PKNOX2: variants seen among roughly 807,000 people sequenced by gnomAD.
The protein encoded by PKNOX2 is homeobox protein PKNOX2.
In PKNOX2, 14 loss-of-function variants were observed where a neutral mutation model predicts 53.1. That is an observed-to-expected ratio of 0.26 (90% confidence interval 0.17 to 0.41). PKNOX2 has a LOEUF of 0.41. Ranked by LOEUF, PKNOX2 falls within the 10% of genes least tolerant of loss-of-function variation. The pLI is 1.00. For synonymous variants in PKNOX2, 257 were observed against 242.8 expected (o/e 1.06, Z -0.54); for missense variants, 496 against 602.8 (o/e 0.82, Z 1.85).
intron 3 of PKNOX2, among the ~76,000 whole-genome samples, chr11:125,348,414 G>A (rs1951109912): frequency 6.6e-6 from 1 of 152,234 alleles, no homozygotes; most frequent in Admixed American, 6.5e-5. Context: ...TGCAGGAGAA[G>A]CCCCCAGAGG....
At chr11:125,189,085 G>A (rs926188362) in intron 1 of PKNOX2, among the ~76,000 whole-genome samples, 1 of 151,920 alleles carries the variant, frequency 6.6e-6, no homozygotes, top group African/African-American at 2.4e-5. Context: ...TGCTCTCTTC[G>A]TATTTTGGGG....
chr11:125,282,311 AAT>A (rs1476189978), intron 2 of PKNOX2, among the ~76,000 whole-genome samples: 2 of 152,210 alleles, frequency 1.3e-5, no homozygotes, highest in African/African-American at 4.8e-5. Context: ...GTAAAATGTG[AAT>A]ATTCTGTTTA....
chr11:125,241,122 G>A (rs1943110758), intron 2 of PKNOX2, among the ~76,000 whole-genome samples: 2 of 152,044 alleles, frequency 1.3e-5, no homozygotes, highest in Admixed American at 1.3e-4. Flanking sequence ...GCTGACCATG[G>A]GCTTCACGGT....
chr11:125,425,228 G>T (rs771282842), intron 10 of PKNOX2, among the ~76,000 whole-genome samples: 5 of 152,156 alleles, frequency 3.3e-5, no homozygotes, highest in Non-Finnish European at 7.3e-5. Flanking sequence ...AAGGTCACTT[G>T]CGTGTGTCAA....
At chr11:125,273,403 G>C (rs984460739) in intron 2 of PKNOX2, among the ~76,000 whole-genome samples, 1 of 152,192 alleles carries the variant, frequency 6.6e-6, no homozygotes, top group African/African-American at 2.4e-5. Flanking sequence ...TGGACCGAGG[G>C]GCAGGAGGAG....
intron 1 of PKNOX2, among the ~76,000 whole-genome samples, chr11:125,209,827 G>T (rs1415110038): frequency 6.6e-6 from 1 of 151,968 alleles, no homozygotes; most frequent in Non-Finnish European, 1.5e-5. Flanking sequence ...CATGTCCTGT[G>T]CCACCCTTAT....
rs185518101 is a variant in PKNOX2, at chr11:125,311,523, C to T, written c.-129-20296C>T. 6.0e-4 allele frequency among the ~76,000 whole-genome samples: 92 copies of T among 152,260 alleles called. 1 individual carries two copies. In the East Asian group the frequency reaches 0.017, roughly 29 times the overall value. ...GTGAAAGCCCCCCAGAAGGAGAGCC[C>T]ATGTCTGCCTGGGAAGATGCAAGAA... On this transcript the variant is annotated intron_variant, in intron 2 of 12. Transcript: ENST00000298282.
chr11:125,301,636 T>G (rs1467605708), intron 2 of PKNOX2, among the ~76,000 whole-genome samples: 1 of 152,132 alleles, frequency 6.6e-6, no homozygotes, highest in South Asian at 2.1e-4. Context: ...TTATCTTTCC[T>G]TCTTCCAAAC....
intron 4 of PKNOX2, among the ~76,000 whole-genome samples, chr11:125,365,880 T>C (rs1000297735): frequency 6.6e-6 from 1 of 152,250 alleles, no homozygotes; most frequent in Admixed American, 6.5e-5. Context: ...CTGAGCTTTC[T>C]GATAGCAATC....
intron 1 of PKNOX2, among the ~76,000 whole-genome samples, chr11:125,186,289 T>A (rs1256814068): frequency 6.6e-6 from 1 of 152,230 alleles, no homozygotes; most frequent in Non-Finnish European, 1.5e-5. Context: ...ATTCTGGATA[T>A]TAAACCCTTA....
chr11:125,366,418 C>T (rs1479337926), intron 4 of PKNOX2, among the ~76,000 whole-genome samples: 1 of 152,218 alleles, frequency 6.6e-6, no homozygotes, highest in African/African-American at 2.4e-5. Flanking sequence ...CATCATTCAT[C>T]TATTCATTGA....
chr11:125,222,796 TGTGTGTGC>T (rs1448731927), intron 1 of PKNOX2, among the ~76,000 whole-genome samples: 1 of 151,806 alleles, frequency 6.6e-6, no homozygotes, highest in Non-Finnish European at 1.5e-5. Flanking sequence ...TATGTGTGTG[TGTGTGTGC>T]GTGTGTATGT....
chr11:125,212,931 C>T (rs893286950), intron 1 of PKNOX2, among the ~76,000 whole-genome samples: 10 of 152,172 alleles, frequency 6.6e-5, no homozygotes, highest in Non-Finnish European at 1.2e-4. Context: ...TCCATGTCTA[C>T]CCCATATGTA....
chr11:125,375,822 G>A (rs959736905), intron 5 of PKNOX2, among the ~76,000 whole-genome samples: 3 of 152,144 alleles, frequency 2.0e-5, no homozygotes, highest in African/African-American at 7.2e-5. Context: ...CTAATTTCAG[G>A]AAGGACACTT....
chr11:125,209,320 C>A (rs1939543422), intron 1 of PKNOX2, among the ~76,000 whole-genome samples: 1 of 152,082 alleles, frequency 6.6e-6, no homozygotes, highest in Non-Finnish European at 1.5e-5. Flanking sequence ...AGTATAATGC[C>A]TATGGGTCTG....
intron 6 of PKNOX2, among the ~76,000 whole-genome samples, chr11:125,388,155 C>A (rs751522309): frequency 5.3e-5 from 8 of 152,030 alleles, no homozygotes; most frequent in Non-Finnish European, 7.4e-5. Flanking sequence ...TTGCCACCCC[C>A]ACCCCTGGTC....
intron 2 of PKNOX2, among the ~76,000 whole-genome samples, chr11:125,263,476 G>A (rs1945044010): frequency 1.3e-5 from 2 of 152,256 alleles, no homozygotes; most frequent in East Asian, 1.9e-4. Flanking sequence ...CATCCCTGCT[G>A]GGGGAGCGTG....
chr11:125,221,742 GT>G lies in PKNOX2; in HGVS notation c.-200-13293del, dbSNP rs911095965. On this transcript the variant is annotated intron_variant, in intron 1 of 12. Transcript: ENST00000298282. ...ATTTGTATGCAATTTGTTTCAGTAGGTTTTTTTTTTAAATGCACATATAAAT... is the reference window on the plus strand; with the variant it reads ...ATTTGTATGCAATTTGTTTCAGTAGGTTTTTTTTTAAATGCACATATAAAT... Among the ~76,000 whole-genome samples, 60 of 149,738 alleles carry G rather than the reference GT, an allele frequency of 4.0e-4. 2 individuals are homozygous for G. Among genetic ancestry groups the G allele is most frequent in the East Asian group, 1.2e-3 (6 of 5,116 alleles).
intron 2 of PKNOX2, among the ~76,000 whole-genome samples, chr11:125,276,976 G>C (rs1475634374): frequency 6.6e-6 from 1 of 152,196 alleles, no homozygotes; most frequent in Non-Finnish European, 1.5e-5. Context: ...TGAAGTATTG[G>C]ATAGTGGAAT....
Sources: allele counts gnomAD v4.1 joint callset (sites outside exome capture counted in the v4.1 genomes callset), GRCh38; gene constraint gnomAD v4.1.1; transcripts MANE v1.5; gene names NCBI Gene and HGNC (gene_info 2026-07-23, HGNC 2026-07-21).